Variants in TEX261 observed in about 807,000 individuals in gnomAD.
The protein encoded by TEX261 is protein TEX261.
TEX261 carries 13 observed loss-of-function variants against 25.1 expected under a neutral mutation model. The ratio of observed to expected loss-of-function variants is 0.52; its 90% confidence interval spans 0.34 to 0.82. TEX261 has a LOEUF of 0.82. Among genes scored for constraint, TEX261 ranks in the 40% least tolerant of loss-of-function variants. TEX261 has a pLI of 0.02. For synonymous variants in TEX261, 92 were observed against 97.8 expected, an observed-to-expected ratio of 0.94 and a Z score of 0.35; for missense variants, 206 against 243.2, an observed-to-expected ratio of 0.85 and a Z score of 1.02.
intron 1 of TEX261, 92 bp downstream of exon 1, chr2:70,994,596 C>A: frequency 6.6e-7 from 1 of 1,522,498 alleles, no homozygotes; most frequent in Non-Finnish European, 8.9e-7. Flanking sequence ...GCAGTGGTCC[C>A]CCGAGTGGCT....
At position 70,991,984 on chromosome 2, in the gene TEX261, C is replaced by A. The variant is rs782613654; in HGVS notation, c.151-1G>T. ...GGCCAATCAGTACAGCGGTGGAGAA[C>A]TGAAACAACCAGAGGCAGACAGTGC... On this transcript the variant is annotated splice_acceptor_variant, in intron 2 of 5. Coordinates refer to ENST00000272438, the MANE Select transcript of TEX261 (RefSeq NM_144582.3). LOFTEE classifies it high-confidence loss of function. 6.3e-7 allele frequency: 1 copy of A among 1,591,070 alleles called. No individual in the cohort carries two copies. Among genetic ancestry groups the A allele is most frequent in the African/African-American group, 1.3e-5 (1 of 74,250 alleles).
Position 70,991,954 on chromosome 2 carries a change from G to C in TEX261, c.180C>G (p.Tyr60Ter). The C allele has an allele frequency of 3.7e-6, 6 of 1,611,714 alleles. No homozygotes were observed. The highest frequency in any genetic ancestry group is 5.1e-6 in the Non-Finnish European group (6 of 1,178,636). The change falls in exon 3 of 6, where the codon TAC becomes TAG. Residue 60 changes from tyrosine (Y) to a stop codon, truncating the protein, a stop_gained. Coordinates refer to ENST00000272438, the MANE Select transcript of TEX261 (RefSeq NM_144582.3). LOFTEE classifies it high-confidence loss of function. The part of the protein sequence containing the change: ...WFSTAVLIGL[Y>*]VFERFPTSMI... ...TGCTGGTGGGGAAGCGCTCAAAGAC[G>C]TAGAGGCCAATCAGTACAGCGGTGG... is the stretch of plus-strand genomic sequence containing the variant.
rs2302561 is a variant in TEX261, at chr2:70,994,692, A to G, written c.66T>C (p.Ala22=). Residue 22 remains alanine, a synonymous_variant, in exon 1 of 6, where the codon GCT becomes GCC. Transcript: ENST00000272438. ...GCCGGGGTCGTGCAGTCTCACCGAC[A>G]GCCAGCGTGATGAAGGCCACCTGGA... ...LFIQVAFITL[A]VAAGLYYLAE... 0.31 allele frequency: 488,976 copies of G among 1,599,240 alleles called. 79,157 individuals are homozygous for G. The highest frequency in any genetic ancestry group is 0.57 in the African/African-American group (42,119 of 74,448).
In TEX261 at chr2:70,988,616, C is replaced by T. The variant is rs782158333; in HGVS notation, c.575G>A (p.Arg192His). ...SFIKEAILPS[R>H]QKIY is the part of the protein sequence containing the mutation. ...GCATGGGGGTCAGTATATCTTCTGA[C>T]GACTGGGTAGAATGGCCTCTTTGAT... is the stretch of plus-strand genomic sequence containing the variant. Residue 192 changes from arginine (R) to histidine (H), a missense_variant, in exon 6 of 6, where the codon CGT becomes CAT. Physicochemically the swap from Arg to His is conservative, Grantham distance 29 (BLOSUM62 0). Transcript: ENST00000272438. 14 of 1,613,922 alleles carry T rather than the reference C, an allele frequency of 8.7e-6. No homozygotes were observed. Among genetic ancestry groups the T allele is most frequent in the East Asian group, 2.2e-5 (1 of 44,868 alleles).
chr2:70,994,791 G>A lies in TEX261; in HGVS notation c.-34C>T, dbSNP rs1553426075. On this transcript the variant is annotated 5_prime_UTR_variant, in exon 1 of 6. Transcript: ENST00000272438. ...CACCCGCCCGCTCCCCGGCCACCGGGACGGGCCTGCGCGCTTCGGCTCCGG... is the reference window on the plus strand; with the variant it reads ...CACCCGCCCGCTCCCCGGCCACCGGAACGGGCCTGCGCGCTTCGGCTCCGG... 4.5e-6 allele frequency: 7 copies of A among 1,557,290 alleles called. No individual in the cohort carries two copies. The highest frequency in any genetic ancestry group is 1.8e-4 in the Middle Eastern group (1 of 5,564).
rs922414709 is a variant in TEX261 at position 70,986,357 on chromosome 2, T to A, written c.*2243A>T. ...GAGTCTCACAAGCCATGCTGAGGGG[T>A]CCAGACTTTATCCTGAGGGCAGCAG... On this transcript the variant is annotated 3_prime_UTR_variant, in exon 6 of 6. Transcript: ENST00000272438. 6.6e-6 allele frequency: 1 copy of A among 152,488 alleles called. No homozygotes were observed. The highest frequency in any genetic ancestry group is 1.9e-4 in the East Asian group (1 of 5,184). 9.4% of individuals were successfully genotyped at this position (152,488 alleles called of 1,614,324 possible). A position where few individuals can be genotyped will look rare whatever the true frequency, so the allele number is the denominator to read the frequency against.
At chr2:70,994,595 C>T in intron 1 of TEX261, 93 bp downstream of exon 1, 1 of 1,515,864 alleles carries the variant, frequency 6.6e-7, no homozygotes. Context: ...GGCAGTGGTC[C>T]CCCGAGTGGC....
At chr2:70,989,557 C>G (rs1670262017) in intron 4 of TEX261, 192 bp downstream of exon 4, 2 of 573,258 alleles carry the variant, frequency 3.5e-6, no homozygotes, top group African/African-American at 1.9e-5. Context: ...TCCTCCCCAC[C>G]TCGGCCAAAT....
intron 4 of TEX261, 54 bp from the exon 5 acceptor site, chr2:70,989,071 T>G: frequency 6.7e-7 from 1 of 1,490,422 alleles, no homozygotes; most frequent in African/African-American, 1.4e-5. Flanking sequence ...AAGAGTGGGC[T>G]GGGTGTGGTG....
At chr2:70,991,638 A>G (rs1670300021) in intron 3 of TEX261, among the ~76,000 whole-genome samples, 192 bp downstream of exon 3, 1 of 152,164 alleles carries the variant, frequency 6.6e-6, no homozygotes, top group Admixed American at 6.5e-5. Context: ...CCCAGCCCCA[A>G]CAAATTCTAT....
chr2:70,990,429 GACAC>G (rs60269609), intron 3 of TEX261, among the ~76,000 whole-genome samples: 2 of 150,774 alleles, frequency 1.3e-5, no homozygotes, highest in African/African-American at 4.9e-5. Context: ...ATACGTTCTG[GACAC>G]ACACACACAC....
At position 70,993,676 on chromosome 2, in the gene TEX261, T is replaced by G; in HGVS notation, c.150+20A>C. ...AGGGCAAAAGAGTGAGGAGGACTCC[T>G]GGAGAAAGATGCCACTTACCCAGAT... On this transcript the variant is annotated intron_variant, in intron 2 of 5. Coordinates refer to ENST00000272438, the MANE Select transcript of TEX261 (RefSeq NM_144582.3). 3 of 1,606,322 alleles carry G rather than the reference T, an allele frequency of 1.9e-6. No individual in the cohort carries two copies. The highest frequency in any genetic ancestry group is 2.2e-5 in the East Asian group (1 of 44,836).
chr2:70,992,882 A>AT (rs1415558535), intron 2 of TEX261, among the ~76,000 whole-genome samples: 2 of 152,210 alleles, frequency 1.3e-5, no homozygotes, highest in Non-Finnish European at 2.9e-5. Flanking sequence ...ATAATGAATC[A>AT]TGCCTACAGT....
intron 2 of TEX261, among the ~76,000 whole-genome samples, chr2:70,992,588 G>C (rs1189633113): frequency 6.6e-6 from 1 of 152,048 alleles, no homozygotes; most frequent in Non-Finnish European, 1.5e-5. Flanking sequence ...AATTAGCCAG[G>C]CATGGTGGCA....
At chr2:70,990,722 G>A (rs1670285386) in intron 3 of TEX261, among the ~76,000 whole-genome samples, 1 of 152,182 alleles carries the variant, frequency 6.6e-6, no homozygotes, top group Admixed American at 6.5e-5. Context: ...GAGATAATGG[G>A]AGGTAGGATA....
chr2:70,993,614 TC>T (rs1337395121), intron 2 of TEX261, 81 bp downstream of exon 2: 6 of 1,126,574 alleles, frequency 5.3e-6, no homozygotes, highest in Non-Finnish European at 8.1e-6. Context: ...GGCCTCATCA[TC>T]CATGCCAAAC....
chr2:70,988,492 G>C lies in TEX261; in HGVS notation c.*108C>G, dbSNP rs1572940497. ...GGGCTCCAGAGTTGAGGGGAAGAAAGCCAGGGCAGGTGGTAGGTGCCTTCC... is the reference window on the plus strand; with the variant it reads ...GGGCTCCAGAGTTGAGGGGAAGAAACCCAGGGCAGGTGGTAGGTGCCTTCC... On this transcript the variant is annotated 3_prime_UTR_variant, in exon 6 of 6. Coordinates refer to ENST00000272438, the MANE Select transcript of TEX261 (RefSeq NM_144582.3). 4 of 833,782 alleles carry C rather than the reference G, an allele frequency of 4.8e-6. No homozygotes were observed. In the African/African-American group the frequency reaches 6.8e-5, roughly 14 times the overall value. 51.6% of individuals were successfully genotyped at this position (833,782 alleles called of 1,614,324 possible).
chr2:70,994,522 G>C (rs1670370370), intron 1 of TEX261, 166 bp downstream of exon 1: 1 of 1,001,884 alleles, frequency 1.0e-6, no homozygotes, highest in South Asian at 1.6e-5. Flanking sequence ...CGGGCTGCCA[G>C]GCTCGACAGG....
At chr2:70,992,238 C>G (rs560681356) in intron 2 of TEX261, among the ~76,000 whole-genome samples, 1 of 152,020 alleles carries the variant, frequency 6.6e-6, no homozygotes, top group East Asian at 2.0e-4. Context: ...ATTCTCTTGC[C>G]TCAGCCTCCT....
Sources: allele counts gnomAD v4.1 joint callset (sites outside exome capture counted in the v4.1 genomes callset), GRCh38; gene constraint gnomAD v4.1.1; transcripts MANE v1.5; gene names NCBI Gene and HGNC (gene_info 2026-07-23, HGNC 2026-07-21).